Variants in FHIP2B observed in about 807,000 individuals in gnomAD.
FHIP2B encodes the protein FHF complex subunit HOOK interacting protein 2B.
A neutral mutation model predicts 84.0 loss-of-function variants in FHIP2B; 72 were observed. The ratio of observed to expected loss-of-function variants is 0.86; its 90% CI spans 0.71 to 1.04. The LOEUF (loss-of-function observed/expected upper bound fraction) is 1.04, where lower values mean the gene tolerates loss of function less well. FHIP2B is among the 50% of genes least tolerant of loss of function. The probability of loss-of-function intolerance (pLI) is 0.00; values close to 1 mark genes in which losing one functional copy is unlikely to be tolerated. For synonymous variants in FHIP2B, 497 were observed against 418.7 expected, an observed-to-expected ratio of 1.19 and a Z score of -2.28; for missense variants, 972 against 968.9, an observed-to-expected ratio of 1.00 and a Z score of -0.04.
chr8:22,093,632 C>T (rs752129431), intron 1 of FHIP2B, among the ~76,000 whole-genome samples: 29 of 150,338 alleles, frequency 1.9e-4, no homozygotes, highest in African/African-American at 6.4e-4. Context: ...CCTACCCTTC[C>T]GGCTGAACAG....
Position 22,098,436 on chromosome 8 carries a change from C to A in FHIP2B, c.782C>A (p.Ala261Asp). 1 of 1,597,038 alleles carries A rather than the reference C, an allele frequency of 6.3e-7. No individual in the cohort carries two copies. The highest frequency in any genetic ancestry group is 8.6e-7 in the Non-Finnish European group (1 of 1,169,456). ...GLCQSKKSRV[A>D]LKAQENLLLL... ...CTCATCCCCTAGAAGAGTCGGGTGGCCTTGAAGGCCCAGGAGAACCTGCTG... is the reference window on the plus strand; with the variant it reads ...CTCATCCCCTAGAAGAGTCGGGTGGACTTGAAGGCCCAGGAGAACCTGCTG... The change falls in exon 7 of 17, where the codon GCC becomes GAC. Residue 261 changes from alanine to aspartate, a missense_variant. By Grantham distance (126) the Ala-to-Asp change is moderately radical (BLOSUM62 -2). Coordinates refer to ENST00000289921, the MANE Select transcript of FHIP2B (RefSeq NM_022749.7).
Position 22,094,496 on chromosome 8 carries a change from G to C in FHIP2B, c.102G>C (p.Thr34=). The C allele has an allele frequency of 6.2e-7, 1 of 1,611,446 alleles. No individual in the cohort carries two copies. The highest frequency in any genetic ancestry group is 8.5e-7 in the Non-Finnish European group (1 of 1,178,902). ...QAFVEHWKGI[T]HYYIESTDES... is the part of the protein sequence containing the mutation. ...TCGTGGAGCACTGGAAGGGCATCAC[G>C]CACTACTACATCGAGAGCACAGGTG... The change falls in exon 2 of 17, where the codon ACG becomes ACC. Residue 34 remains threonine (T), a synonymous_variant. Transcript: ENST00000289921.
At chr8:22,097,321 CAG>C (rs1201764544) in intron 3 of FHIP2B, among the ~76,000 whole-genome samples, 193 bp from the exon 4 acceptor site, 1 of 151,998 alleles carries the variant, frequency 6.6e-6, no homozygotes, top group Non-Finnish European at 1.5e-5. Flanking sequence ...TCCCTGGCCT[CAG>C]TACCCCCCAG....
intron 5 of FHIP2B, 87 bp from the exon 6 acceptor site, chr8:22,097,981 C>G: frequency 6.5e-7 from 1 of 1,528,616 alleles, no homozygotes; most frequent in Non-Finnish European, 8.8e-7. Flanking sequence ...AGGCCGACGC[C>G]CTGCTGGCAG....
chr8:22,102,411 G>GGGTGGC, intron 15 of FHIP2B, 96 bp downstream of exon 15: 2 of 586,986 alleles, frequency 3.4e-6, no homozygotes, highest in Non-Finnish European at 3.1e-6. Context: ...GGAGGGGTGG[G>GGGTGGC]CACCCTTGCC....
chr8:22,101,624 C>A, intron 13 of FHIP2B, 84 bp from the exon 14 acceptor site: 1 of 1,556,204 alleles, frequency 6.4e-7, no homozygotes, highest in Non-Finnish European at 8.7e-7. Flanking sequence ...GCCCAAGGAC[C>A]CCAGCCCATC....
At chr8:22,094,819 C>T (rs1255079592) in intron 2 of FHIP2B, 1 of 1,212,986 alleles carries the variant, frequency 8.2e-7, no homozygotes, top group African/African-American at 1.6e-5. Context: ...GGCTGCACTT[C>T]CCCCAGCTTC....
At chr8:22,100,119 A>G in intron 10 of FHIP2B, 1 of 515,326 alleles carries the variant, frequency 1.9e-6, no homozygotes, top group Non-Finnish European at 3.3e-6. Flanking sequence ...CAGGCCCTGG[A>G]GTGCAGAGGT....
chr8:22,094,224 G>A (rs1354649685), intron 1 of FHIP2B, among the ~76,000 whole-genome samples: 1 of 152,270 alleles, frequency 6.6e-6, no homozygotes, highest in South Asian at 2.1e-4. Flanking sequence ...GGAGGGAGGG[G>A]TATCTAGGGA....
At chr8:22,096,749 C>T (rs1157217347) in intron 3 of FHIP2B, 3 of 494,918 alleles carry the variant, frequency 6.1e-6, no homozygotes, top group Non-Finnish European at 1.0e-5. Context: ...GCGAGAGGAG[C>T]AAACAGGACG....
intron 1 of FHIP2B, among the ~76,000 whole-genome samples, chr8:22,090,577 G>T (rs922012387): frequency 6.6e-6 from 1 of 152,166 alleles, no homozygotes; most frequent in Non-Finnish European, 1.5e-5. Flanking sequence ...TTTACAGGAG[G>T]TGAGACAGGC....
At chr8:22,100,999 C>A in intron 12 of FHIP2B, 27 bp downstream of exon 12, 7 of 1,604,504 alleles carry the variant, frequency 4.4e-6, no homozygotes, top group Non-Finnish European at 6.0e-6. Flanking sequence ...GCAGTCTGAA[C>A]CACTTGAGTT....
intron 1 of FHIP2B, among the ~76,000 whole-genome samples, chr8:22,093,316 G>GTTTGT (rs10651878): frequency 6.6e-6 from 1 of 151,476 alleles, no homozygotes; most frequent in East Asian, 1.9e-4. Flanking sequence ...CGAAGGAATG[G>GTTTGT]TGTTGTTGTT....
intron 2 of FHIP2B, chr8:22,095,339 G>A (rs716008): frequency 0.31 from 47,853 of 152,152 alleles, 7,958 homozygotes; most frequent in East Asian, 0.58. Context: ...TTCCCTGCGC[G>A]GGGCTGTCCT....
chr8:22,101,450 C>T lies in FHIP2B; in HGVS notation c.1627C>T (p.Leu543=), dbSNP rs1826107184. Residue 543 remains leucine (L), a synonymous_variant, in exon 13 of 17, where the codon CTG becomes TTG. Coordinates refer to ENST00000289921, the MANE Select transcript of FHIP2B (RefSeq NM_022749.7). ...GCTTCTATCTCTCAGTTTCCTGTGC[C>T]TGGTCCCCGAGGAAGCCAAGACCTC... ...VTEIVNSFLC[L]VPEEAKTSAF... is the part of the protein sequence containing the mutation. 6.2e-7 allele frequency: 1 copy of T among 1,610,010 alleles called. No individual in the cohort carries two copies. Among genetic ancestry groups the T allele is most frequent in the East Asian group, 2.2e-5 (1 of 44,762 alleles).
chr8:22,101,810 C>T lies in FHIP2B; in HGVS notation c.1810C>T (p.Leu604Phe). ...GCGACCTTTCTTCGAGGGCCACTTC[C>T]TCCGAGTGCTGTTTGACCGCATGTC... ...PERPFFEGHF[L>F]RVLFDRMSRI... Residue 604 changes from leucine to phenylalanine, a missense_variant, in exon 14 of 17, where the codon CTC becomes TTC. Coordinates refer to ENST00000289921, the MANE Select transcript of FHIP2B (RefSeq NM_022749.7). 3 of 1,613,704 alleles carry T rather than the reference C, an allele frequency of 1.9e-6. No individual in the cohort carries two copies. The highest frequency in any genetic ancestry group is 1.3e-5 in the African/African-American group (1 of 75,056).
At chr8:22,089,660 C>A in intron 1 of FHIP2B, 1 of 733,262 alleles carries the variant, frequency 1.4e-6, no homozygotes, top group Non-Finnish European at 2.0e-6. Context: ...AGGCCGCCTC[C>A]CCCCAGTCCC....
In FHIP2B at chr8:22,104,677, C is replaced by G. The variant is rs1826299340; in HGVS notation, c.*1746C>G. ...TGGACCACGTGGGAGCATCTGTGTGCAAGTCTCATTTGGGTGTGTTTATGC... is the reference window on the plus strand; with the variant it reads ...TGGACCACGTGGGAGCATCTGTGTGGAAGTCTCATTTGGGTGTGTTTATGC... On this transcript the variant is annotated 3_prime_UTR_variant, in exon 17 of 17. Coordinates refer to ENST00000289921, the MANE Select transcript of FHIP2B (RefSeq NM_022749.7). The G allele has an allele frequency of 6.6e-6, 1 of 152,124 alleles. No homozygotes were observed. Among genetic ancestry groups the G allele is most frequent in the African/African-American group, 2.4e-5 (1 of 41,416 alleles). 9.4% of individuals were successfully genotyped at this position (152,124 alleles called of 1,614,324 possible).
At position 22,103,387 on chromosome 8, in the gene FHIP2B, T is replaced by C. The variant is rs1826232036; in HGVS notation, c.*456T>C. On this transcript the variant is annotated 3_prime_UTR_variant, in exon 17 of 17. Transcript: ENST00000289921. ...GTGTCACATTAGGTACCATGGGAGC[T>C]GCTGAGACCTGACATTTTGTCCCCT... is the stretch of plus-strand genomic sequence containing the variant. The C allele has an allele frequency of 6.4e-6, 1 of 156,648 alleles. No individual in the cohort carries two copies. The highest frequency in any genetic ancestry group is 2.4e-5 in the African/African-American group (1 of 41,556). 9.7% of individuals were successfully genotyped at this position (156,648 alleles called of 1,614,324 possible). A position where few individuals can be genotyped will look rare whatever the true frequency, so the allele number is the denominator to read the frequency against.
Sources: allele counts gnomAD v4.1 joint callset (sites outside exome capture counted in the v4.1 genomes callset), GRCh38; gene constraint gnomAD v4.1.1; transcripts MANE v1.5; gene names NCBI Gene and HGNC (gene_info 2026-07-23, HGNC 2026-07-21).